Variants in MARCHF4 observed in about 807,000 individuals in gnomAD.
MARCHF4 encodes the protein membrane associated ring-CH-type finger 4.
In MARCHF4, 14 loss-of-function variants were observed where a neutral mutation model predicts 43.9. That is an observed-to-expected ratio of 0.32 (90% CI 0.21 to 0.50). MARCHF4 has a LOEUF of 0.50. Among genes scored for constraint, MARCHF4 ranks in the 20% least tolerant of loss-of-function variants. MARCHF4 has a pLI of 0.98. For synonymous variants in MARCHF4, 226 were observed against 213.3 expected, an observed-to-expected ratio of 1.06 and a Z score of -0.52; for missense variants, 468 against 536.7, an observed-to-expected ratio of 0.87 and a Z score of 1.27.
intron 3 of MARCHF4, among the ~76,000 whole-genome samples, chr2:216,261,275 G>T (rs1690739686): frequency 6.6e-6 from 1 of 152,106 alleles, no homozygotes; most frequent in Non-Finnish European, 1.5e-5. Context: ...GGCTTTGAGG[G>T]GGAAGAATCT....
intron 1 of MARCHF4, among the ~76,000 whole-genome samples, chr2:216,313,436 T>C (rs1283584821): frequency 1.3e-5 from 2 of 152,230 alleles, no homozygotes; most frequent in Non-Finnish European, 2.9e-5. Context: ...CCTAGTGTGC[T>C]ACTTTCACAA....
chr2:216,260,772 T>C (rs1285837643), intron 3 of MARCHF4, among the ~76,000 whole-genome samples: 1 of 152,232 alleles, frequency 6.6e-6, no homozygotes, highest in African/African-American at 2.4e-5. Context: ...TGATGTGATC[T>C]GATTCACCCT....
intron 1 of MARCHF4, among the ~76,000 whole-genome samples, chr2:216,352,252 T>C (rs1692413899): frequency 1.3e-5 from 2 of 152,220 alleles, no homozygotes; most frequent in African/African-American, 2.4e-5. Context: ...GGTACTCCTG[T>C]GTCCCCCTTC....
At chr2:216,358,338 T>C (rs2105983205) in intron 1 of MARCHF4, among the ~76,000 whole-genome samples, 1 of 152,344 alleles carries the variant, frequency 6.6e-6, no homozygotes, top group East Asian at 1.9e-4. Flanking sequence ...CTCCTTGCTT[T>C]CATTGTCCTT....
At chr2:216,341,630 T>G (rs1199366702) in intron 1 of MARCHF4, among the ~76,000 whole-genome samples, 2 of 152,244 alleles carry the variant, frequency 1.3e-5, no homozygotes, top group African/African-American at 4.8e-5. Flanking sequence ...GATCCTGTTC[T>G]CAAAGCTGAG....
intron 2 of MARCHF4, among the ~76,000 whole-genome samples, chr2:216,281,381 T>C (rs1250380487): frequency 2.6e-5 from 4 of 152,188 alleles, no homozygotes; most frequent in Admixed American, 1.3e-4. Context: ...CATGACTCTG[T>C]CTGGGGCATG....
intron 1 of MARCHF4, among the ~76,000 whole-genome samples, chr2:216,356,621 C>CT (rs1692506827): frequency 6.6e-6 from 1 of 152,204 alleles, no homozygotes; most frequent in Admixed American, 6.5e-5. Context: ...GCTCTTTTTG[C>CT]TATACTGGTA....
chr2:216,269,762 G>C (rs553242876), intron 3 of MARCHF4, among the ~76,000 whole-genome samples: 2 of 152,298 alleles, frequency 1.3e-5, no homozygotes, highest in African/African-American at 4.8e-5. Flanking sequence ...GGGAAGCAGA[G>C]AGAAGTGCCA....
chr2:216,297,977 ATTAATAGCTGGTATATAACATAT>A (rs1691424304), intron 1 of MARCHF4, among the ~76,000 whole-genome samples: 1 of 152,156 alleles, frequency 6.6e-6, no homozygotes, highest in African/African-American at 2.4e-5. Flanking sequence ...ATTTCACTTA[ATTAATAGCTGGTATATAACATAT>A]TACCTTTTTT....
intron 1 of MARCHF4, among the ~76,000 whole-genome samples, chr2:216,350,739 C>G (rs562195770): frequency 5.3e-5 from 8 of 152,306 alleles, no homozygotes; most frequent in African/African-American, 1.9e-4. Flanking sequence ...TTTTCTGCCC[C>G]TGATGTTATT....
At chr2:216,331,901 C>T (rs1692085915) in intron 1 of MARCHF4, among the ~76,000 whole-genome samples, 4 of 151,984 alleles carry the variant, frequency 2.6e-5, no homozygotes, top group African/African-American at 9.7e-5. Flanking sequence ...CCCATGAAAT[C>T]AGAAATGAAA....
In MARCHF4 at chr2:216,259,097, T is replaced by C; in HGVS notation, c.*215A>G. 2.0e-6 allele frequency: 1 copy of C among 501,962 alleles called. No homozygotes were observed. Among genetic ancestry groups the C allele is most frequent in the Non-Finnish European group, 3.3e-6 (1 of 303,696 alleles). 31.1% of individuals were successfully genotyped at this position (501,962 alleles called of 1,614,324 possible). A position where few individuals can be genotyped will look rare whatever the true frequency, so the allele number is the denominator to read the frequency against. On this transcript the variant is annotated 3_prime_UTR_variant, in exon 4 of 4. Transcript: ENST00000273067. ...CTTTGTTGTTGAGTTGGTGTTGGTT[T>C]TCATTGTTGTTGTGGAGAGTGGCAT...
At chr2:216,270,017 C>T (rs1247061629) in intron 3 of MARCHF4, among the ~76,000 whole-genome samples, 1 of 152,176 alleles carries the variant, frequency 6.6e-6, no homozygotes, top group African/African-American at 2.4e-5. Context: ...TTACTGTTCA[C>T]TTCCAAATCT....
chr2:216,300,350 G>GCACA (rs1691474202), intron 1 of MARCHF4, among the ~76,000 whole-genome samples: 3 of 115,796 alleles, frequency 2.6e-5, no homozygotes, highest in African/African-American at 1.1e-4. Flanking sequence ...ATATATATAT[G>GCACA]TATATATATA....
chr2:216,320,648 TTTCTTTCTTTCTTTCTTTCTTTCTTTC>T (rs1172310427), intron 1 of MARCHF4, among the ~76,000 whole-genome samples: 9 of 120,574 alleles, frequency 7.5e-5, no homozygotes, highest in South Asian at 2.9e-4. Flanking sequence ...TCTTTCTTTC[TTTCTTTCTTTCTTTCTTTCTTTCTTTC>T]TTTTTTTTTT....
intron 1 of MARCHF4, among the ~76,000 whole-genome samples, chr2:216,340,145 G>C (rs1276735018): frequency 6.6e-6 from 1 of 152,130 alleles, no homozygotes; most frequent in Non-Finnish European, 1.5e-5. Context: ...TGGGGCTGCT[G>C]TTCAGACCCA....
intron 1 of MARCHF4, among the ~76,000 whole-genome samples, chr2:216,292,459 A>G (rs567975719): frequency 2.0e-5 from 3 of 152,222 alleles, no homozygotes; most frequent in Admixed American, 6.5e-5. Context: ...AGGAATGGGT[A>G]TAGGAGCAGA....
At position 216,259,257 on chromosome 2, in the gene MARCHF4, C is replaced by T. The variant is rs377271504; in HGVS notation, c.*55G>A. On this transcript the variant is annotated 3_prime_UTR_variant, in exon 4 of 4. Coordinates refer to ENST00000273067, the MANE Select transcript of MARCHF4 (RefSeq NM_020814.3). ...CTCTGGGGGTGCCACTGCACCTCCC[C>T]ACCCTGCTCCGGGCCCTCAGTGGTG... 25 of 1,504,152 alleles carry T rather than the reference C, an allele frequency of 1.7e-5. No individual in the cohort carries two copies. The Middle Eastern group carries it at 3.4e-3, about 208-fold the overall frequency. The allele number at this position is 1,504,152 out of a possible 1,614,324, so 93.2% of individuals were successfully genotyped here. A position where few individuals can be genotyped will look rare whatever the true frequency, so the allele number is the denominator to read the frequency against.
In MARCHF4 at chr2:216,318,994, A is replaced by G. The variant is rs577631208; in HGVS notation, c.517-35265T>C. The stretch of plus-strand genomic sequence containing the variant: ...GTGATTGCTGAAATAATTCTGGAAT[A>G]TGAAATATATTTACCTTAAAACAAA... On this transcript the variant is annotated intron_variant, in intron 1 of 3. Coordinates refer to ENST00000273067, the MANE Select transcript of MARCHF4 (RefSeq NM_020814.3). Among the ~76,000 whole-genome samples, 27 of 152,246 alleles carry G rather than the reference A, an allele frequency of 1.8e-4. No individual in the cohort carries two copies. The South Asian group carries it at 4.8e-3, about 27-fold the overall frequency.
Sources: gnomAD v4.1 joint callset for allele counts (sites outside exome capture counted in the v4.1 genomes callset) on GRCh38, gnomAD v4.1.1 for gene constraint, MANE v1.5 for transcripts, NCBI Gene and HGNC (gene_info 2026-07-23, HGNC 2026-07-21) for gene names.